Variants in CLMP observed in about 807,000 individuals in gnomAD.
CLMP encodes the protein CXADR-like membrane protein.
A neutral mutation model predicts 45.2 loss-of-function variants in CLMP; 27 were observed. That is an observed-to-expected ratio of 0.60 (90% CI 0.44 to 0.82). The LOEUF is 0.82. CLMP is among the 40% of genes least tolerant of loss of function. CLMP has a pLI of 0.00. For missense variants in CLMP, 403 were observed against 448.4 expected (o/e 0.90, Z 0.91); for synonymous variants, 167 against 171.4 (o/e 0.97, Z 0.20).
chr11:123,194,128 A>G (rs1429320938), intron 1 of CLMP, among the ~76,000 whole-genome samples: 3 of 151,918 alleles, frequency 2.0e-5, no homozygotes, highest in Non-Finnish European at 2.9e-5. Flanking sequence ...CCTCTGCCTC[A>G]GGGCCTCTGA....
chr11:123,091,333 G>A (rs1246321066), intron 2 of CLMP, among the ~76,000 whole-genome samples: 1 of 152,166 alleles, frequency 6.6e-6, no homozygotes, highest in African/African-American at 2.4e-5. Flanking sequence ...TCAAACCCCT[G>A]ACCTTAAGCG....
At chr11:123,176,155 C>T (rs1021322340) in intron 1 of CLMP, among the ~76,000 whole-genome samples, 20 of 152,198 alleles carry the variant, frequency 1.3e-4, no homozygotes, top group African/African-American at 4.1e-4. Flanking sequence ...TGGTTGCCAA[C>T]TGCCTTTTTA....
chr11:123,107,018 CA>C (rs1244006146), intron 1 of CLMP, among the ~76,000 whole-genome samples: 1,545 of 126,668 alleles, frequency 0.012, 22 homozygotes, highest in African/African-American at 0.04. Context: ...GACTCCGTCT[CA>C]AAAAAAAAAA....
chr11:123,139,721 C>T (rs1001143168), intron 1 of CLMP, among the ~76,000 whole-genome samples: 2 of 152,088 alleles, frequency 1.3e-5, no homozygotes, highest in African/African-American at 2.4e-5. Context: ...GAGGCTGAGG[C>T]GGAAGAATTG....
chr11:123,157,722 CAAAAAA>C (rs869197042), intron 1 of CLMP, among the ~76,000 whole-genome samples: 2 of 71,188 alleles, frequency 2.8e-5, no homozygotes, highest in South Asian at 1.0e-3. Flanking sequence ...GAGTGAAACT[CAAAAAA>C]AAAAAAAAAA....
rs539166085 is a variant in CLMP at position 123,176,430 on chromosome 11, G to A, written c.28+18483C>T. Reference sequence around the variant, plus strand: ...CCCAAGGAAGCTTAACCATTTGGGCGTTTTGTTCAAGGAATGAGTATCTCT... The same window carrying A: ...CCCAAGGAAGCTTAACCATTTGGGCATTTTGTTCAAGGAATGAGTATCTCT... On this transcript the variant is annotated intron_variant, in intron 1 of 6. Coordinates refer to ENST00000448775, the MANE Select transcript of CLMP (RefSeq NM_024769.5). Among the ~76,000 whole-genome samples the A allele has an allele frequency of 3.3e-5, 5 of 152,316 alleles. No homozygotes were observed. In the South Asian group the frequency reaches 8.3e-4, roughly 25 times the overall value.
At chr11:123,139,187 C>T (rs1218777487) in intron 1 of CLMP, among the ~76,000 whole-genome samples, 2 of 151,896 alleles carry the variant, frequency 1.3e-5, no homozygotes, top group East Asian at 2.0e-4. Flanking sequence ...ACTCTGCGGT[C>T]CTTTGCAGAA....
At chr11:123,189,966 C>T (rs1242431381) in intron 1 of CLMP, among the ~76,000 whole-genome samples, 1 of 146,740 alleles carries the variant, frequency 6.8e-6, no homozygotes, top group Non-Finnish European at 1.5e-5. Context: ...TGTGCCACTG[C>T]ACTCTAGCCT....
At chr11:123,184,251 C>A (rs887654383) in intron 1 of CLMP, among the ~76,000 whole-genome samples, 1 of 152,018 alleles carries the variant, frequency 6.6e-6, no homozygotes, top group African/African-American at 2.4e-5. Flanking sequence ...CGTGCCACCA[C>A]GCCAGGCTAA....
At chr11:123,153,346 C>A (rs1861368196) in intron 1 of CLMP, among the ~76,000 whole-genome samples, 1 of 152,220 alleles carries the variant, frequency 6.6e-6, no homozygotes, top group Admixed American at 6.5e-5. Context: ...TCTGAATTTC[C>A]TTTTCTCTCT....
intron 1 of CLMP, among the ~76,000 whole-genome samples, chr11:123,152,523 A>AAATAAAT: frequency 7.0e-6 from 1 of 142,790 alleles, no homozygotes; most frequent in African/African-American, 2.8e-5. Flanking sequence ...ACTCCATCTC[A>AAATAAAT]AAATAAATAA....
chr11:123,110,771 G>A (rs1378528924), intron 1 of CLMP, among the ~76,000 whole-genome samples: 1 of 152,170 alleles, frequency 6.6e-6, no homozygotes, highest in Non-Finnish European at 1.5e-5. Context: ...TGAGGGAAAA[G>A]GGAGAAGTTG....
intron 1 of CLMP, among the ~76,000 whole-genome samples, chr11:123,123,207 G>A (rs1860842450): frequency 6.6e-6 from 1 of 150,630 alleles, no homozygotes; most frequent in Non-Finnish European, 1.5e-5. Flanking sequence ...GAACTCTGCA[G>A]AATTCTAGCA....
At chr11:123,120,213 G>A (rs1860794367) in intron 1 of CLMP, among the ~76,000 whole-genome samples, 1 of 152,100 alleles carries the variant, frequency 6.6e-6, no homozygotes, top group Non-Finnish European at 1.5e-5. Context: ...TTGAGCCCAG[G>A]AGATTGAGAC....
At chr11:123,156,484 G>A (rs1412323453) in intron 1 of CLMP, among the ~76,000 whole-genome samples, 1 of 152,192 alleles carries the variant, frequency 6.6e-6, no homozygotes, top group African/African-American at 2.4e-5. Flanking sequence ...CCGATTCATA[G>A]AAACTGTGAA....
chr11:123,089,776 C>CA (rs556690828), intron 2 of CLMP, among the ~76,000 whole-genome samples: 895 of 79,164 alleles, frequency 0.011, 7 homozygotes, highest in Middle Eastern at 0.062. Flanking sequence ...GTCTCCATCT[C>CA]AAAAAAAAAA....
At chr11:123,128,464 C>A (rs1591469385) in intron 1 of CLMP, among the ~76,000 whole-genome samples, 2 of 152,050 alleles carry the variant, frequency 1.3e-5, no homozygotes. Context: ...GAGTTTGAGA[C>A]CAGCCTGAGC....
At chr11:123,185,910 G>T (rs548522079) in intron 1 of CLMP, among the ~76,000 whole-genome samples, 13 of 152,056 alleles carry the variant, frequency 8.5e-5, no homozygotes, top group Non-Finnish European at 1.6e-4. Flanking sequence ...TGGGTGTAGG[G>T]CTCATTGGAG....
In CLMP at chr11:123,073,595, C is replaced by T. The variant is rs1366500330; in HGVS notation, c.1001G>A (p.Ser334Asn). 1 of 1,614,228 alleles carries T rather than the reference C, an allele frequency of 6.2e-7. No homozygotes were observed. Among genetic ancestry groups the T allele is most frequent in the Non-Finnish European group, 8.5e-7 (1 of 1,180,036 alleles). The change falls in exon 7 of 7, where the codon AGC (serine) becomes AAC (asparagine). Residue 334 changes from serine to asparagine, a missense_variant. By Grantham distance (46) the Ser-to-Asn change is conservative (BLOSUM62 1). Transcript: ENST00000448775. Reference sequence around the variant, plus strand: ...ACCTCTCACCTCTGGCCCCACTAGGCTGTATGCCTGGGTGGCCAGCCCTGG... The same window carrying T: ...ACCTCTCACCTCTGGCCCCACTAGGTTGTATGCCTGGGTGGCCAGCCCTGG... ...PQPGLATQAY[S>N]LVGPEVRGSE...
Sources: allele counts gnomAD v4.1 joint callset (sites outside exome capture counted in the v4.1 genomes callset), GRCh38; gene constraint gnomAD v4.1.1; transcripts MANE v1.5; gene names NCBI Gene and HGNC (gene_info 2026-07-23, HGNC 2026-07-21).